The following SLCO3A1 variants were observed in gnomAD, a reference collection of about 807,000 sequenced individuals.
The protein encoded by SLCO3A1 is PGE1 transporter.
A neutral mutation model predicts 63.1 loss-of-function variants in SLCO3A1; 27 were observed. The observed-to-expected ratio is 0.43, with a 90% CI of 0.32 to 0.59. The LOEUF is 0.59. SLCO3A1 is among the 20% of genes least tolerant of loss of function. The probability of loss-of-function intolerance (pLI) is 0.09; values close to 1 mark genes in which losing one functional copy is unlikely to be tolerated. For synonymous variants in SLCO3A1, 473 were observed against 409.9 expected, an observed-to-expected ratio of 1.15 and a Z score of -1.86; for missense variants, 773 against 945.8, an observed-to-expected ratio of 0.82 and a Z score of 2.40.
intron 3 of SLCO3A1, 50 bp downstream of exon 3, chr15:92,095,029 C>A: frequency 7.8e-7 from 1 of 1,273,962 alleles, no homozygotes; most frequent in Non-Finnish European, 1.1e-6. Flanking sequence ...CGTTTCCTCC[C>A]TCATAAATGC....
chr15:91,991,215 C>A (rs986753529), intron 2 of SLCO3A1, among the ~76,000 whole-genome samples: 5 of 151,956 alleles, frequency 3.3e-5, no homozygotes, highest in Non-Finnish European at 5.9e-5. Flanking sequence ...ACAAAAAAAT[C>A]AAAAAATTAG....
chr15:92,080,542 G>GAC (rs890320623), intron 2 of SLCO3A1, among the ~76,000 whole-genome samples: 2 of 152,180 alleles, frequency 1.3e-5, no homozygotes, highest in Non-Finnish European at 2.9e-5. Flanking sequence ...GCTTTGAATG[G>GAC]AGGATCAGTT....
chr15:92,014,457 G>T (rs1487923103), intron 2 of SLCO3A1, among the ~76,000 whole-genome samples: 2 of 152,084 alleles, frequency 1.3e-5, no homozygotes, highest in Non-Finnish European at 2.9e-5. Flanking sequence ...ATAATTTATT[G>T]CTATTATGGG....
chr15:92,167,760 T>G (rs2048501151), downstream of SLCO3A1, among the ~76,000 whole-genome samples: 1 of 152,182 alleles, frequency 6.6e-6, no homozygotes, highest in Non-Finnish European at 1.5e-5. Flanking sequence ...GCCTGCCTCA[T>G]CAGTAGCTTC....
intron 7 of SLCO3A1, among the ~76,000 whole-genome samples, chr15:92,139,451 T>C (rs2048100371): frequency 6.6e-6 from 1 of 152,172 alleles, no homozygotes; most frequent in South Asian, 2.1e-4. Context: ...TTTGGTTGTG[T>C]CTCTGCCCAG....
chr15:92,121,695 AAGAT>A (rs199720115), intron 5 of SLCO3A1, among the ~76,000 whole-genome samples: 2,528 of 152,346 alleles, frequency 0.017, 27 homozygotes, highest in Non-Finnish European at 0.025. Context: ...GAGTTAAAAA[AAGAT>A]AGGTGAAACC....
At chr15:92,052,469 G>T (rs768910243) in intron 2 of SLCO3A1, among the ~76,000 whole-genome samples, 7 of 152,140 alleles carry the variant, frequency 4.6e-5, no homozygotes, top group Non-Finnish European at 8.8e-5. Flanking sequence ...GGTTCATCCA[G>T]TCCAAATGCC....
intron 2 of SLCO3A1, among the ~76,000 whole-genome samples, chr15:92,054,894 T>A (rs1024710951): frequency 3.3e-5 from 5 of 152,202 alleles, no homozygotes; most frequent in Non-Finnish European, 5.9e-5. Flanking sequence ...GTATTATGAA[T>A]AGTGCTGCAA....
chr15:92,047,008 AATATATATAT>A (rs1173729192), intron 2 of SLCO3A1, among the ~76,000 whole-genome samples: 2 of 85,462 alleles, frequency 2.3e-5, no homozygotes, highest in Non-Finnish European at 4.4e-5. Context: ...TATATATATA[AATATATATAT>A]AATATATAAA....
chr15:92,137,104 C>T (rs533237256), intron 7 of SLCO3A1, among the ~76,000 whole-genome samples: 1 of 146,606 alleles, frequency 6.8e-6, no homozygotes, highest in Non-Finnish European at 1.5e-5. Flanking sequence ...GGTATATCTC[C>T]CAATGCTATC....
At chr15:91,976,086 T>C (rs1246496977) in intron 2 of SLCO3A1, among the ~76,000 whole-genome samples, 2 of 152,218 alleles carry the variant, frequency 1.3e-5, no homozygotes, top group Non-Finnish European at 2.9e-5. Flanking sequence ...TCAAAATAAT[T>C]AGCAATGCTG....
chr15:92,025,860 G>A (rs185827112), intron 2 of SLCO3A1, among the ~76,000 whole-genome samples: 3 of 152,328 alleles, frequency 2.0e-5, no homozygotes, highest in East Asian at 1.9e-4. Flanking sequence ...GGGTCCTTTA[G>A]CAGTGGAGAT....
At chr15:91,887,850 T>C (rs915273024) in intron 1 of SLCO3A1, among the ~76,000 whole-genome samples, 6 of 152,190 alleles carry the variant, frequency 3.9e-5, no homozygotes, top group African/African-American at 7.2e-5. Context: ...TTTCTCCAAA[T>C]TGAACTTAGT....
chr15:92,079,025 C>A (rs2047311535), intron 2 of SLCO3A1, among the ~76,000 whole-genome samples: 1 of 152,316 alleles, frequency 6.6e-6, no homozygotes, highest in African/African-American at 2.4e-5. Context: ...TCCAAGCCTG[C>A]CCTTTGCTAG....
At chr15:92,147,231 G>C in intron 8 of SLCO3A1, 72 bp downstream of exon 8, 1 of 1,454,738 alleles carries the variant, frequency 6.9e-7, no homozygotes, top group South Asian at 1.3e-5. Flanking sequence ...CTAGGGACCA[G>C]AGCTTCAGAC....
At chr15:91,987,119 A>G (rs1047785726) in intron 2 of SLCO3A1, among the ~76,000 whole-genome samples, 1 of 152,142 alleles carries the variant, frequency 6.6e-6, no homozygotes, top group Non-Finnish European at 1.5e-5. Flanking sequence ...GACATTTTCT[A>G]GGAAGGTGAT....
rs578010007 is a variant in SLCO3A1 at position 91,998,644 on chromosome 15, C to T, written c.646+82186C>T. ...TTACCAAAAGTCAAAAAACAGCAGACGCTGGCAAGGCTATGGAGAAAAGGG... is the reference window on the plus strand; with the variant it reads ...TTACCAAAAGTCAAAAAACAGCAGATGCTGGCAAGGCTATGGAGAAAAGGG... On this transcript the variant is annotated intron_variant, in intron 2 of 9. Transcript: ENST00000318445. Among the ~76,000 whole-genome samples, 14 of 152,152 alleles carry T rather than the reference C, an allele frequency of 9.2e-5. 1 individual carries two copies. In the South Asian group the frequency reaches 1.7e-3, roughly 18 times the overall value.
chr15:92,121,150 C>T (rs1020711355), intron 5 of SLCO3A1, among the ~76,000 whole-genome samples: 6 of 152,208 alleles, frequency 3.9e-5, no homozygotes, highest in Non-Finnish European at 8.8e-5. Flanking sequence ...CAGGTTTCTA[C>T]TCCCAATTGT....
In SLCO3A1 at chr15:91,897,890, G is replaced by C. The variant is rs1269641817; in HGVS notation, c.181-18103G>C. 1.3e-5 allele frequency among the ~76,000 whole-genome samples: 2 copies of C among 152,222 alleles called. No homozygotes were observed. The highest frequency in any genetic ancestry group is 2.9e-5 in the Non-Finnish European group (2 of 68,038). ...GAAAGGCAGCTGAAACTGCAGGGCA[G>C]AGCCAGGCGAAGTTGAGAACAAGAA... On this transcript the variant is annotated intron_variant, in intron 1 of 9. Coordinates refer to ENST00000318445, the MANE Select transcript of SLCO3A1 (RefSeq NM_013272.4). The surrounding 1 kb of genome is among the most constrained non-coding windows in gnomAD (Gnocchi z 4.7).
Sources: allele counts gnomAD v4.1 joint callset (sites outside exome capture counted in the v4.1 genomes callset), GRCh38; gene constraint gnomAD v4.1.1; non-coding constraint Gnocchi (gnomAD v3.1); transcripts MANE v1.5; gene names NCBI Gene and HGNC (gene_info 2026-07-23, HGNC 2026-07-21).